GABRB2: variants seen among roughly 807,000 people sequenced by gnomAD.
GABRB2 encodes the protein gamma-aminobutyric acid receptor subunit beta-2.
Under a neutral mutation model 54.7 loss-of-function variants are expected in GABRB2, and 16 were observed. That is an observed-to-expected ratio of 0.29 (90% confidence interval 0.20 to 0.44). GABRB2 has a LOEUF of 0.44. Among genes scored for constraint, GABRB2 ranks in the 20% least tolerant of loss-of-function variants. The probability of loss-of-function intolerance (pLI) is 1.00; values close to 1 mark genes in which losing one functional copy is unlikely to be tolerated. For missense variants in GABRB2, 355 were observed against 644.0 expected, an observed-to-expected ratio of 0.55 and a Z score of 4.86; for synonymous variants, 244 against 233.8, an observed-to-expected ratio of 1.04 and a Z score of -0.40.
chr5:161,538,600 A>C (rs1471816441), intron 3 of GABRB2, among the ~76,000 whole-genome samples: 1 of 152,208 alleles, frequency 6.6e-6, no homozygotes, highest in Non-Finnish European at 1.5e-5. Flanking sequence ...AGGGTGGGGA[A>C]ATCGCTTGAG....
At position 161,334,805 on chromosome 5, in the gene GABRB2, G is replaced by T. The variant is rs2113405006; in HGVS notation, c.779C>A (p.Ser260Tyr). Residue 260 changes from serine (S) to tyrosine (Y), a missense_variant, in exon 7 of 10, where the codon TCC (serine) becomes TAC (tyrosine). Ser to Tyr is a moderately radical substitution (Grantham distance 144). This residue lies in a region of GABRB2 where 25 missense variants were observed against 137.4 expected (regional missense o/e 0.18). Transcript: ENST00000393959. ...GTAATTAATCCAGAAGGAGACCCAGGAGAGGATGGTAATCAGGATGGAAGG... is the reference window on the plus strand; with the variant it reads ...GTAATTAATCCAGAAGGAGACCCAGTAGAGGATGGTAATCAGGATGGAAGG... ...YMPSILITIL[S>Y]WVSFWINYDA... The T allele has an allele frequency of 6.2e-7, 1 of 1,614,064 alleles. No homozygotes were observed. The highest frequency in any genetic ancestry group is 1.3e-5 in the African/African-American group (1 of 75,058).
chr5:161,446,110 A>T (rs906022943), intron 4 of GABRB2, among the ~76,000 whole-genome samples: 1 of 152,146 alleles, frequency 6.6e-6, no homozygotes, highest in Admixed American at 6.6e-5. Context: ...ACAATTTATA[A>T]ACCTTATCAT....
At chr5:161,413,215 C>T (rs888366594) in intron 4 of GABRB2, among the ~76,000 whole-genome samples, 28 of 152,020 alleles carry the variant, frequency 1.8e-4, no homozygotes, top group Admixed American at 1.3e-3. Context: ...GTTGGTTTTG[C>T]TCATTGTAAG....
intron 4 of GABRB2, among the ~76,000 whole-genome samples, chr5:161,437,459 A>C (rs772086449): frequency 1.3e-5 from 2 of 152,040 alleles, no homozygotes; most frequent in Non-Finnish European, 2.9e-5. Flanking sequence ...TCACTTGCTA[A>C]CTGAAGACCC....
At chr5:161,546,851 T>C (rs1246017303), upstream of GABRB2, 9 of 1,042,848 alleles carry the variant, frequency 8.6e-6, no homozygotes, top group East Asian at 2.2e-4. Context: ...CATGTATATG[T>C]ATAATACATA....
intron 5 of GABRB2, among the ~76,000 whole-genome samples, chr5:161,338,852 T>C (rs1754072637): frequency 1.3e-5 from 2 of 152,046 alleles, no homozygotes; most frequent in Admixed American, 1.3e-4. Flanking sequence ...ACATTCTAGG[T>C]ATTAAGTGAA....
intron 3 of GABRB2, among the ~76,000 whole-genome samples, chr5:161,509,074 G>T (rs1005259537): frequency 6.6e-6 from 1 of 151,722 alleles, no homozygotes; most frequent in African/African-American, 2.4e-5. Flanking sequence ...CTACATAAAT[G>T]GAGTGCTAGA....
chr5:161,368,472 C>G (rs1055835557), intron 5 of GABRB2, among the ~76,000 whole-genome samples: 1 of 152,084 alleles, frequency 6.6e-6, no homozygotes, highest in African/African-American at 2.4e-5. Flanking sequence ...AAATCCTAGT[C>G]TAGTAGAAAT....
At chr5:161,382,986 A>C (rs1755513555) in intron 5 of GABRB2, among the ~76,000 whole-genome samples, 1 of 152,132 alleles carries the variant, frequency 6.6e-6, no homozygotes, top group African/African-American at 2.4e-5. Flanking sequence ...GACATCAATA[A>C]ATAGGGCTTT....
intron 8 of GABRB2, among the ~76,000 whole-genome samples, chr5:161,329,097 T>C (rs542587099): frequency 1.3e-5 from 2 of 152,244 alleles, no homozygotes; most frequent in Non-Finnish European, 1.5e-5. Flanking sequence ...TCCCTCTAGG[T>C]CTTAACTTTA....
chr5:161,535,840 A>G (rs914827312), intron 3 of GABRB2, among the ~76,000 whole-genome samples: 10 of 152,116 alleles, frequency 6.6e-5, no homozygotes, highest in African/African-American at 2.4e-4. Flanking sequence ...GGGAGGTGCT[A>G]AGAGTCATGG....
At chr5:161,327,354 T>C (rs1027327700) in intron 8 of GABRB2, among the ~76,000 whole-genome samples, 2 of 152,182 alleles carry the variant, frequency 1.3e-5, no homozygotes, top group African/African-American at 4.8e-5. Context: ...GGAATTAGCT[T>C]TTCAGTTTTT....
At chr5:161,487,221 T>G (rs1581026961) in intron 3 of GABRB2, among the ~76,000 whole-genome samples, 1 of 152,054 alleles carries the variant, frequency 6.6e-6, no homozygotes, top group African/African-American at 2.4e-5. Context: ...TCATTCTACG[T>G]TTTGGTATTT....
intron 8 of GABRB2, chr5:161,330,163 T>C (rs1393481409): frequency 6.6e-6 from 1 of 152,230 alleles, no homozygotes. Context: ...ACTACTGACT[T>C]AACAAATAAA....
chr5:161,418,800 AT>A (rs546573737), intron 4 of GABRB2, among the ~76,000 whole-genome samples: 14 of 152,298 alleles, frequency 9.2e-5, no homozygotes, highest in African/African-American at 2.9e-4. Flanking sequence ...AAGAAAAAAA[AT>A]AACATCATTA....
At chr5:161,414,703 C>A (rs1172305065) in intron 4 of GABRB2, among the ~76,000 whole-genome samples, 1 of 151,726 alleles carries the variant, frequency 6.6e-6, no homozygotes, top group Admixed American at 6.6e-5. Flanking sequence ...AAGTACCTGG[C>A]ACATGCTACC....
Position 161,407,816 on chromosome 5 carries a change from A to G in GABRB2, c.541+3159T>C, listed in dbSNP as rs148691550. The stretch of plus-strand genomic sequence containing the variant: ...AGAATTGGAAAATGCCTAGGAATGG[A>G]TATCTCCTTTCAATTTTAGCAGTTA... On this transcript the variant is annotated intron_variant, in intron 5 of 9. Transcript: ENST00000393959. Among the ~76,000 whole-genome samples, 396 of 152,154 alleles carry G rather than the reference A, an allele frequency of 2.6e-3. 4 individuals are homozygous for G. Among genetic ancestry groups the G allele is most frequent in the African/African-American group, 8.2e-3 (341 of 41,532 alleles).
chr5:161,336,496 G>A, intron 6 of GABRB2, 136 bp downstream of exon 6: 1 of 1,028,672 alleles, frequency 9.7e-7, no homozygotes, highest in Non-Finnish European at 1.4e-6. Context: ...AGACTTCATG[G>A]GAAACTGAGG....
intron 5 of GABRB2, among the ~76,000 whole-genome samples, chr5:161,391,040 T>A (rs1016640792): frequency 3.3e-5 from 5 of 152,188 alleles, no homozygotes; most frequent in African/African-American, 1.2e-4. Flanking sequence ...ATTACTCTAA[T>A]AAATTAACCA....
Sources: allele counts gnomAD v4.1 joint callset (sites outside exome capture counted in the v4.1 genomes callset), GRCh38; gene constraint gnomAD v4.1.1; regional missense constraint gnomAD v4.1.1; transcripts MANE v1.5; gene names NCBI Gene and HGNC (gene_info 2026-07-23, HGNC 2026-07-21).